The following GPD2 variants were observed in gnomAD, a reference collection of about 807,000 sequenced individuals.
The protein encoded by GPD2 is glycerol-3-phosphate dehydrogenase, mitochondrial.
GPD2 carries 54 observed loss-of-function variants against 82.4 expected under a neutral mutation model. That is an observed-to-expected ratio of 0.66 (90% confidence interval 0.53 to 0.82). GPD2 has a LOEUF of 0.82. Ranked by LOEUF, GPD2 falls within the 40% of genes least tolerant of loss-of-function variation. GPD2 has a pLI of 0.00. For missense variants in GPD2, 748 were observed against 896.2 expected, an observed-to-expected ratio of 0.83 and a Z score of 2.11; for synonymous variants, 288 against 306.1, an observed-to-expected ratio of 0.94 and a Z score of 0.62.
chr2:156,503,234 C>T (rs552822703), intron 3 of GPD2, among the ~76,000 whole-genome samples: 15 of 152,286 alleles, frequency 9.8e-5, no homozygotes, highest in Non-Finnish European at 1.6e-4. Context: ...AAATGCTCCT[C>T]TGGCTTTTTT....
chr2:156,429,646 T>A, the GPD2 span, among the ~76,000 whole-genome samples: 2 of 152,224 alleles, frequency 1.3e-5, no homozygotes, highest in Non-Finnish European at 2.9e-5. Context: ...AAATAAAACT[T>A]AAAGTACCCA....
chr2:156,400,859 T>G, the GPD2 span, among the ~76,000 whole-genome samples: 1 of 152,112 alleles, frequency 6.6e-6, no homozygotes, highest in South Asian at 2.1e-4. Flanking sequence ...GACGTTTGCT[T>G]TTTATTTTTT....
intron 6 of GPD2, among the ~76,000 whole-genome samples, chr2:156,519,177 T>C (rs946980819): frequency 1.4e-4 from 21 of 152,058 alleles, no homozygotes; most frequent in African/African-American, 4.8e-4. Context: ...TACATACTGA[T>C]ATTTACTTTT....
chr2:156,582,630 C>T (rs1328408902), intron 16 of GPD2, among the ~76,000 whole-genome samples, 163 bp from the exon 17 acceptor site: 1 of 151,828 alleles, frequency 6.6e-6, no homozygotes, highest in African/African-American at 2.4e-5. Context: ...CTTTTGGAAA[C>T]GTTTAAAAAT....
the GPD2 span, among the ~76,000 whole-genome samples, chr2:156,413,365 T>G: frequency 3.9e-5 from 6 of 152,116 alleles, no homozygotes; most frequent in East Asian, 7.8e-4. Flanking sequence ...GTGGATCACC[T>G]GAGGTCAGGA....
intron 3 of GPD2, 130 bp downstream of exon 3, chr2:156,496,345 G>A: frequency 1.5e-6 from 1 of 661,560 alleles, no homozygotes. Flanking sequence ...CTAGGTACAA[G>A]CTCAGCATGC....
At chr2:156,417,413 C>T in the GPD2 span, among the ~76,000 whole-genome samples, 1 of 152,038 alleles carries the variant, frequency 6.6e-6, no homozygotes, top group African/African-American at 2.4e-5. Context: ...AAACATATGT[C>T]AGGAGAGGCA....
chr2:156,537,022 G>A (rs1170702857), intron 6 of GPD2, among the ~76,000 whole-genome samples: 6 of 152,212 alleles, frequency 3.9e-5, no homozygotes, highest in African/African-American at 1.4e-4. Flanking sequence ...GATATGAGCA[G>A]AGTTCTAGTT....
intron 9 of GPD2, among the ~76,000 whole-genome samples, chr2:156,565,770 C>T (rs1687366151): frequency 6.6e-6 from 1 of 152,034 alleles, no homozygotes; most frequent in South Asian, 2.1e-4. Flanking sequence ...CATTTTAGAT[C>T]AAGATGGAGA....
At chr2:156,484,040 A>G (rs894456481) in intron 2 of GPD2, among the ~76,000 whole-genome samples, 3 of 133,692 alleles carry the variant, frequency 2.2e-5, no homozygotes, top group Admixed American at 8.3e-5. Context: ...TTGTAAGTCA[A>G]TTCAGGCTAC....
At chr2:156,553,517 T>C (rs1686846195) in intron 8 of GPD2, among the ~76,000 whole-genome samples, 1 of 152,100 alleles carries the variant, frequency 6.6e-6, no homozygotes, top group Admixed American at 6.6e-5. Flanking sequence ...ATAATGTAAG[T>C]ACATAACTAG....
chr2:156,423,251 T>C, the GPD2 span, among the ~76,000 whole-genome samples: 2 of 152,250 alleles, frequency 1.3e-5, no homozygotes, highest in Non-Finnish European at 2.9e-5. Flanking sequence ...AAAATGTCTA[T>C]AGCAAGTTAT....
intron 15 of GPD2, 120 bp from the exon 16 acceptor site, chr2:156,579,570 A>G: frequency 1.5e-6 from 1 of 672,786 alleles, no homozygotes; most frequent in Non-Finnish European, 2.8e-6. Context: ...GACCTCAACT[A>G]ATCTGCCTGC....
chr2:156,413,859 G>A, the GPD2 span, among the ~76,000 whole-genome samples: 8 of 152,012 alleles, frequency 5.3e-5, no homozygotes, highest in Non-Finnish European at 8.8e-5. Flanking sequence ...AGCCAAGATC[G>A]TGCCATTGAC....
intron 6 of GPD2, among the ~76,000 whole-genome samples, chr2:156,540,769 A>G (rs567544583): frequency 6.6e-6 from 1 of 152,216 alleles, no homozygotes; most frequent in Non-Finnish European, 1.5e-5. Context: ...CCTTCATGAC[A>G]TACAGAAAAA....
chr2:156,446,174 C>A (rs912922613), intron 1 of GPD2, among the ~76,000 whole-genome samples: 2 of 152,204 alleles, frequency 1.3e-5, no homozygotes, highest in Admixed American at 1.3e-4. Context: ...CAGCTCACTG[C>A]AACCTCTGCC....
chr2:156,563,831 A>G (rs1182361195), intron 9 of GPD2, among the ~76,000 whole-genome samples: 2 of 152,136 alleles, frequency 1.3e-5, no homozygotes, highest in Non-Finnish European at 2.9e-5. Context: ...TCTGTGCTAT[A>G]TGATAGCCAT....
intron 13 of GPD2, among the ~76,000 whole-genome samples, chr2:156,574,008 A>G (rs1687729806): frequency 6.6e-6 from 1 of 152,218 alleles, no homozygotes; most frequent in Non-Finnish European, 1.5e-5. Context: ...TAAATAGCTC[A>G]TAGTTTTAAG....
At chr2:156,569,983 C>A (rs754991258) in intron 11 of GPD2, 104 bp from the exon 12 acceptor site, 82 of 1,001,236 alleles carry the variant, frequency 8.2e-5, no homozygotes, top group Non-Finnish European at 1.2e-4. Flanking sequence ...CTATTAGTTA[C>A]AGGCTGTAAG....
Sources: gnomAD v4.1 joint callset for allele counts (sites outside exome capture counted in the v4.1 genomes callset) on GRCh38, gnomAD v4.1.1 for gene constraint, MANE v1.5 for transcripts, NCBI Gene and HGNC (gene_info 2026-07-23, HGNC 2026-07-21) for gene names.